GPC5: variants seen among roughly 807,000 people sequenced by gnomAD.
GPC5 encodes the protein glypican 5.
GPC5 carries 47 observed loss-of-function variants against 53.9 expected under a neutral mutation model. That is an observed-to-expected ratio of 0.87 (90% CI 0.69 to 1.11). GPC5 has a LOEUF of 1.11. Among genes scored for constraint, GPC5 ranks in the 50% most tolerant of loss-of-function variants. The pLI is 0.00. For synonymous variants in GPC5, 286 were observed against 263.3 expected (o/e 1.09, Z -0.84); for missense variants, 748 against 713.1 (o/e 1.05, Z -0.56).
At chr13:92,591,625 T>A (rs866611755) in intron 7 of GPC5, among the ~76,000 whole-genome samples, 2 of 152,154 alleles carry the variant, frequency 1.3e-5, no homozygotes, top group African/African-American at 4.8e-5. Flanking sequence ...TCTCTTAGCA[T>A]TTTTCAAGAA....
At chr13:92,547,535 A>T (rs1360772171) in intron 7 of GPC5, among the ~76,000 whole-genome samples, 1 of 152,166 alleles carries the variant, frequency 6.6e-6, no homozygotes, top group African/African-American at 2.4e-5. Context: ...AAACAGCAGA[A>T]TTTTAAAGGA....
intron 7 of GPC5, among the ~76,000 whole-genome samples, chr13:92,718,056 G>C (rs1888388312): frequency 6.6e-6 from 1 of 152,166 alleles, no homozygotes; most frequent in Non-Finnish European, 1.5e-5. Flanking sequence ...AATAAAAAAT[G>C]CTGATAAGGA....
At chr13:92,100,232 GTCTC>G (rs1434005318) in intron 6 of GPC5, among the ~76,000 whole-genome samples, 1 of 152,074 alleles carries the variant, frequency 6.6e-6, no homozygotes, top group African/African-American at 2.4e-5. Flanking sequence ...GTGAAACCCT[GTCTC>G]TCCTAAAAAT....
intron 7 of GPC5, among the ~76,000 whole-genome samples, chr13:92,574,030 C>T (rs1883115867): frequency 6.6e-6 from 1 of 152,104 alleles, no homozygotes. Flanking sequence ...GGTATTCTTC[C>T]AAGTTTGTCT....
intron 5 of GPC5, among the ~76,000 whole-genome samples, chr13:91,864,881 T>C (rs1316134824): frequency 6.6e-6 from 1 of 151,730 alleles, no homozygotes; most frequent in Non-Finnish European, 1.5e-5. Flanking sequence ...CTACAATTTG[T>C]TTTTGTCTTA....
chr13:91,578,545 A>G lies in GPC5; in HGVS notation c.326-114642A>G, dbSNP rs547334373. Among the ~76,000 whole-genome samples, 8 of 152,212 alleles carry G rather than the reference A, an allele frequency of 5.3e-5. No individual in the cohort carries two copies. In the East Asian group the frequency reaches 1.5e-3, roughly 29 times the overall value. On this transcript the variant is annotated intron_variant, in intron 2 of 7. Transcript: ENST00000377067. ...TGTGTTCTCCAAATCTGATAGTATG[A>G]CCCTAATGCAGTCCCTGTGTTTTAG...
intron 2 of GPC5, among the ~76,000 whole-genome samples, chr13:91,641,177 A>C (rs1339621063): frequency 2.0e-5 from 3 of 152,142 alleles, no homozygotes; most frequent in South Asian, 4.2e-4. Flanking sequence ...AATACAAAAA[A>C]ATTAGCCAGG....
intron 7 of GPC5, among the ~76,000 whole-genome samples, chr13:92,559,369 T>TG: frequency 2.4e-5 from 3 of 124,594 alleles, no homozygotes; most frequent in African/African-American, 8.8e-5. Context: ...TGTGTGTGTG[T>TG]TGGGGTGTGG....
intron 7 of GPC5, among the ~76,000 whole-genome samples, chr13:92,283,572 C>T (rs1457932657): frequency 6.6e-6 from 1 of 152,188 alleles, no homozygotes; most frequent in East Asian, 1.9e-4. Flanking sequence ...CAGACTAGAA[C>T]TCAGGATTAA....
rs1566575572 is a variant in GPC5 at position 92,402,125 on chromosome 13, A to C, written c.1561+257136A>C. On this transcript the variant is annotated intron_variant, in intron 7 of 7. Transcript: ENST00000377067. ...TTGTTGAGTAGGAGTGAAGTTGGTG[A>C]GAATAATTGTTTGACTAGATATGAC... Among the ~76,000 whole-genome samples the C allele has an allele frequency of 4.6e-5, 7 of 152,320 alleles. No homozygotes were observed. The South Asian group carries it at 1.4e-3, about 32-fold the overall frequency.
In GPC5 at chr13:91,693,838, C is replaced by G. The variant is rs968394030; in HGVS notation, c.977C>G (p.Ala326Gly). ...LLNFHLLVND[A>G]VLQAHLNGQK... ...AACTTTCACTTGCTTGTTAATGATG[C>G]TGTGTTACAGGCTCACCTCAATGGA... The change falls in exon 3 of 8, where the codon GCT becomes GGT. Residue 326 changes from alanine to glycine, a missense_variant. Physicochemically the swap from Ala to Gly is moderately conservative, Grantham distance 60. Transcript: ENST00000377067. 3 of 1,610,600 alleles carry G rather than the reference C, an allele frequency of 1.9e-6. No homozygotes were observed. Among genetic ancestry groups the G allele is most frequent in the Non-Finnish European group, 2.5e-6 (3 of 1,179,518 alleles).
chr13:91,432,861 G>A (rs1203791505), intron 1 of GPC5, among the ~76,000 whole-genome samples: 2 of 152,060 alleles, frequency 1.3e-5, no homozygotes, highest in African/African-American at 4.8e-5. Context: ...CCTCAGCAAT[G>A]TGCTCCTCTT....
chr13:92,718,277 A>G (rs540474207), intron 7 of GPC5, among the ~76,000 whole-genome samples: 1 of 152,206 alleles, frequency 6.6e-6, no homozygotes, highest in Non-Finnish European at 1.5e-5. Context: ...ACTATTCACA[A>G]TAGCCATGAT....
chr13:92,440,481 T>G (rs990994634), intron 7 of GPC5, among the ~76,000 whole-genome samples: 1 of 152,194 alleles, frequency 6.6e-6, no homozygotes, highest in Non-Finnish European at 1.5e-5. Context: ...ACGTACCACA[T>G]TTTCTTTATT....
intron 7 of GPC5, among the ~76,000 whole-genome samples, chr13:92,810,978 C>T (rs1467597745): frequency 6.6e-6 from 1 of 151,958 alleles, no homozygotes; most frequent in African/African-American, 2.4e-5. Context: ...ATTCGGCCTC[C>T]CAAAGTGCTG....
intron 7 of GPC5, among the ~76,000 whole-genome samples, chr13:92,526,652 G>C (rs777267536): frequency 4.0e-5 from 6 of 151,832 alleles, no homozygotes; most frequent in Non-Finnish European, 8.8e-5. Context: ...ATGTTTTAGG[G>C]GGATGGATAC....
intron 7 of GPC5, among the ~76,000 whole-genome samples, chr13:92,152,762 G>A (rs1249453336): frequency 1.3e-5 from 2 of 149,422 alleles, no homozygotes; most frequent in Non-Finnish European, 3.0e-5. Flanking sequence ...AAAAAATTGG[G>A]CAAAGTACAG....
At chr13:92,500,852 C>T (rs183280530) in intron 7 of GPC5, among the ~76,000 whole-genome samples, 206 of 152,144 alleles carry the variant, frequency 1.4e-3, no homozygotes, top group African/African-American at 4.6e-3. Context: ...TAAATAAATC[C>T]GCTGCTTTCT....
intron 2 of GPC5, among the ~76,000 whole-genome samples, chr13:91,672,327 G>T (rs1422021981): frequency 3.9e-5 from 6 of 152,120 alleles, no homozygotes; most frequent in Admixed American, 3.9e-4. Flanking sequence ...GAAAATTTTT[G>T]CAATCTACCT....
Sources: gnomAD v4.1 joint callset for allele counts (sites outside exome capture counted in the v4.1 genomes callset) on GRCh38, gnomAD v4.1.1 for gene constraint, MANE v1.5 for transcripts, NCBI Gene and HGNC (gene_info 2026-07-23, HGNC 2026-07-21) for gene names.